RHPN1: variants seen among roughly 807,000 people sequenced by gnomAD.
RHPN1 encodes rhophilin Rho GTPase binding protein 1.
Under a neutral mutation model 74.7 loss-of-function variants are expected in RHPN1, and 77 were observed. The observed-to-expected ratio is 1.03, with a 90% CI of 0.86 to 1.25. RHPN1 has a LOEUF of 1.25. RHPN1 is among the 50% of genes most tolerant of loss of function. The pLI is 0.00. For missense variants in RHPN1, 987 were observed against 932.2 expected, an observed-to-expected ratio of 1.06 and a Z score of -0.77; for synonymous variants, 444 against 414.5, an observed-to-expected ratio of 1.07 and a Z score of -0.87.
chr8:143,376,710 T>C lies in RHPN1; in HGVS notation c.305+57T>C, dbSNP rs530215194. On this transcript the variant is annotated intron_variant, in intron 3 of 14. Coordinates refer to ENST00000289013, the MANE Select transcript of RHPN1 (RefSeq NM_052924.3). ...GTATGTGTGTGCACGTGTGCGTGTG[T>C]GTGTGCATGTGTGTGCACGCATGTG... 5.6e-5 allele frequency: 85 copies of C among 1,508,734 alleles called. No homozygotes were observed. The African/African-American group carries it at 1.0e-3, about 18-fold the overall frequency. The allele number at this position is 1,508,734 out of a possible 1,614,324, so 93.5% of individuals were successfully genotyped here.
Position 143,372,561 on chromosome 8 carries a change from C to A in RHPN1, c.61-2992C>A, listed in dbSNP as rs539618712. Among the ~76,000 whole-genome samples, 132 of 152,168 alleles carry A rather than the reference C, an allele frequency of 8.7e-4. 3 individuals carry two copies. Among genetic ancestry groups the A allele is most frequent in the Admixed American group, 3.3e-4 (5 of 15,308 alleles). On this transcript the variant is annotated intron_variant, in intron 1 of 14. Coordinates refer to ENST00000289013, the MANE Select transcript of RHPN1 (RefSeq NM_052924.3). ...GAGGCCAGGGTCCTGGGCCGGCACA[C>A]CCTCCTTCCGGCTGCCTGTGTCCCT...
At chr8:143,378,531 C>T (rs928974132) in intron 5 of RHPN1, among the ~76,000 whole-genome samples, 165 bp from the exon 6 acceptor site, 1 of 152,208 alleles carries the variant, frequency 6.6e-6, no homozygotes, top group South Asian at 2.1e-4. Context: ...TCCCAGGTGG[C>T]TCCGGTGCCG....
intron 2 of RHPN1, among the ~76,000 whole-genome samples, chr8:143,376,048 A>C (rs2130569823): frequency 6.6e-6 from 1 of 152,312 alleles, no homozygotes; most frequent in South Asian, 2.1e-4. Context: ...TCCTTAGAGC[A>C]CACCGCCTGT....
In RHPN1 at chr8:143,378,985, A is replaced by G; in HGVS notation, c.658A>G (p.Ile220Val). ...AFEKGSVLFN[I>V]GALHTQIGAR... ...CGAGAAGGGCAGCGTTCTCTTCAAC[A>G]TCGGTGCCCTCCACACGCAGATTGG... is the stretch of plus-strand genomic sequence containing the variant. The change falls in exon 7 of 15, where the codon ATC becomes GTC. Residue 220 changes from isoleucine to valine, a missense_variant. Physicochemically the swap from Ile to Val is conservative, Grantham distance 29 (BLOSUM62 3). Coordinates refer to ENST00000289013, the MANE Select transcript of RHPN1 (RefSeq NM_052924.3). The G allele has an allele frequency of 6.4e-7, 1 of 1,557,706 alleles. No homozygotes were observed. The highest frequency in any genetic ancestry group is 1.2e-5 in the South Asian group (1 of 84,490).
intron 10 of RHPN1, 56 bp downstream of exon 10, chr8:143,380,231 G>A (rs754694942): frequency 8.2e-5 from 102 of 1,238,198 alleles, no homozygotes; most frequent in Non-Finnish European, 1.0e-4. Flanking sequence ...AACGGTGGCA[G>A]GGTGTCCCCC....
rs1181482885 is a variant in RHPN1 at position 143,381,335 on chromosome 8, C to T, written c.1479C>T (p.Phe493=). The change falls in exon 12 of 15, where the codon TTC becomes TTT. Residue 493 remains phenylalanine, a synonymous_variant. Coordinates refer to ENST00000289013, the MANE Select transcript of RHPN1 (RefSeq NM_052924.3). ...RLSQGKGPDI[F]HRLGPLSVFS... The stretch of plus-strand genomic sequence containing the variant: ...CCCAGGGGAAGGGGCCTGACATCTT[C>T]CATCGGCTGGTGAGCACACCCGTCC... 6.2e-7 allele frequency: 1 copy of T among 1,610,494 alleles called. No homozygotes were observed. The highest frequency in any genetic ancestry group is 1.1e-5 in the South Asian group (1 of 90,352).
intron 11 of RHPN1, among the ~76,000 whole-genome samples, 180 bp downstream of exon 11, chr8:143,380,963 G>A (rs1228100569): frequency 6.6e-6 from 1 of 152,240 alleles, no homozygotes; most frequent in Non-Finnish European, 1.5e-5. Flanking sequence ...TCAGGGGCCT[G>A]GGGGATGACC....
In RHPN1 at chr8:143,377,417, A is replaced by G. The variant is rs1818355898; in HGVS notation, c.343A>G (p.Lys115Glu). Residue 115 changes from lysine to glutamate, a missense_variant, in exon 4 of 15, where the codon AAG becomes GAG. Transcript: ENST00000289013. Reference protein sequence around the residue: ...VTVPMIPLGLKETKELDWSTP... With the variant: ...VTVPMIPLGLEETKELDWSTP... Reference sequence around the variant, plus strand: ...TGTCCCCATGATCCCCCTGGGCCTGAAGGAGACCAAGGAGCTGGACTGGTC... The same window carrying G: ...TGTCCCCATGATCCCCCTGGGCCTGGAGGAGACCAAGGAGCTGGACTGGTC... 6 of 1,613,296 alleles carry G rather than the reference A, an allele frequency of 3.7e-6. No individual in the cohort carries two copies. Among genetic ancestry groups the G allele is most frequent in the Non-Finnish European group, 5.1e-6 (6 of 1,179,556 alleles).
At chr8:143,370,846 A>G (rs1049471767) in intron 1 of RHPN1, among the ~76,000 whole-genome samples, 1 of 152,232 alleles carries the variant, frequency 6.6e-6, no homozygotes, top group Admixed American at 6.5e-5. Flanking sequence ...GCCTGGCTGT[A>G]TGCAGAAGGT....
chr8:143,370,332 C>G (rs1204596824), intron 1 of RHPN1, among the ~76,000 whole-genome samples: 1 of 152,144 alleles, frequency 6.6e-6, no homozygotes, highest in Non-Finnish European at 1.5e-5. Flanking sequence ...GGGAGGGGCC[C>G]GTGGGAGGTG....
At chr8:143,367,255 T>A (rs1046904199), upstream of RHPN1, 1 of 152,082 alleles carries the variant, frequency 6.6e-6, no homozygotes, top group Non-Finnish European at 1.5e-5. Flanking sequence ...TTTGGGAGGT[T>A]GAGGCAGATG....
chr8:143,369,855 G>A lies in RHPN1; in HGVS notation c.60+808G>A, dbSNP rs116466117. On this transcript the variant is annotated intron_variant, in intron 1 of 14. Coordinates refer to ENST00000289013, the MANE Select transcript of RHPN1 (RefSeq NM_052924.3). The stretch of plus-strand genomic sequence containing the variant: ...GGGACGTCAGACTGTGTTGTCCCTG[G>A]GCTGGTTCTACTCGGCTTTGGTGTT... 6.7e-3 allele frequency among the ~76,000 whole-genome samples: 1,025 copies of A among 152,352 alleles called. 20 individuals carry two copies. Among genetic ancestry groups the A allele is most frequent in the African/African-American group, 0.023 (974 of 41,566 alleles).
chr8:143,383,072 T>G lies in RHPN1; in HGVS notation c.*421T>G. 1 of 220,072 alleles carries G rather than the reference T, an allele frequency of 4.5e-6. No individual in the cohort carries two copies. The highest frequency in any genetic ancestry group is 9.1e-6 in the Non-Finnish European group (1 of 109,430). The allele number at this position is 220,072 out of a possible 1,614,324, so 13.6% of individuals were successfully genotyped here. On this transcript the variant is annotated 3_prime_UTR_variant, in exon 15 of 15. Transcript: ENST00000289013. Reference sequence around the variant, plus strand: ...TCCTGCTGGGCACCCCTTCGCTCACTGCCCCTCCACCATGCAGCAGCCAGA... The same window carrying G: ...TCCTGCTGGGCACCCCTTCGCTCACGGCCCCTCCACCATGCAGCAGCCAGA...
intron 3 of RHPN1, among the ~76,000 whole-genome samples, chr8:143,377,023 T>C (rs1818305060): frequency 6.7e-6 from 1 of 149,796 alleles, no homozygotes; most frequent in African/African-American, 2.5e-5. Flanking sequence ...CCTCTATGTG[T>C]GCGTGTATGC....
At chr8:143,366,856 C>T (rs1191173237), upstream of RHPN1, 3 of 152,224 alleles carry the variant, frequency 2.0e-5, no homozygotes, top group Non-Finnish European at 4.4e-5. Context: ...GTACACATAG[C>T]TGACTCTGAA....
intron 2 of RHPN1, 41 bp downstream of exon 2, chr8:143,375,709 C>T: frequency 6.7e-7 from 1 of 1,490,974 alleles, no homozygotes; most frequent in Non-Finnish European, 9.2e-7. Flanking sequence ...GCAGGGCCCA[C>T]CTGGGTGAGG....
rs902251435 is a variant in RHPN1 at position 143,380,118 on chromosome 8, T to C, written c.1159T>C (p.Ser387Pro). The change falls in exon 10 of 15, where the codon TCC (serine) becomes CCC (proline). Residue 387 changes from serine to proline, a missense_variant. Transcript: ENST00000289013. ...HEQVFLQPPT[S>P]SKPRGPVLPQ... ...GCAGGTCTTCCTGCAGCCCCCCACCTCCTCTAAGCCCCGAGGCCCTGTGCT... is the reference window on the plus strand; with the variant it reads ...GCAGGTCTTCCTGCAGCCCCCCACCCCCTCTAAGCCCCGAGGCCCTGTGCT... 8.4e-6 allele frequency: 13 copies of C among 1,551,396 alleles called. No individual in the cohort carries two copies. Among genetic ancestry groups the C allele is most frequent in the Admixed American group, 3.9e-5 (2 of 51,448 alleles).
rs533319215 is a variant in RHPN1 at position 143,381,516 on chromosome 8, C to CGG, written c.1489-53_1489-52dup. On this transcript the variant is annotated intron_variant, in intron 12 of 14. Transcript: ENST00000289013. ...AGGTTGGATGGATGTGCTAGTCAGG[C>CGG]GGGGTCTCCTCAGTGTGTGGCCCAG... 2.3e-3 allele frequency: 3,555 copies of CGG among 1,554,726 alleles called. 76 individuals are homozygous for CGG. In the African/African-American group the frequency reaches 0.045, roughly 19 times the overall value.
chr8:143,382,065 A>C, intron 14 of RHPN1, 97 bp downstream of exon 14: 1 of 1,260,424 alleles, frequency 7.9e-7, no homozygotes. Flanking sequence ...TGGGAAGGGG[A>C]GGTGGGGCTG....
Sources: allele counts gnomAD v4.1 joint callset (sites outside exome capture counted in the v4.1 genomes callset), GRCh38; gene constraint gnomAD v4.1.1; transcripts MANE v1.5; gene names NCBI Gene and HGNC (gene_info 2026-07-23, HGNC 2026-07-21).